Variants in TTC28 observed in about 807,000 individuals in gnomAD.
TTC28 encodes the protein tetratricopeptide repeat protein 28.
A neutral mutation model predicts 198.0 loss-of-function variants in TTC28; 61 were observed. The observed-to-expected ratio is 0.31, with a 90% CI of 0.25 to 0.38. TTC28 has a LOEUF of 0.38. TTC28 is among the 10% of genes least tolerant of loss of function. The pLI is 1.00. For missense variants in TTC28, 2,678 were observed against 3,164.0 expected (o/e 0.85, Z 3.69); for synonymous variants, 1,171 against 1,297.8 (o/e 0.90, Z 2.10).
intron 2 of TTC28, among the ~76,000 whole-genome samples, chr22:28,379,186 G>C (rs566891780): frequency 6.6e-6 from 1 of 152,160 alleles, no homozygotes; most frequent in African/African-American, 2.4e-5. Flanking sequence ...TATAATTTCA[G>C]ACATATAAAA....
chr22:28,340,358 C>T (rs558362962), intron 2 of TTC28, among the ~76,000 whole-genome samples: 2 of 151,852 alleles, frequency 1.3e-5, no homozygotes, highest in South Asian at 2.1e-4. Context: ...GCATACCAAA[C>T]GTCTCCTTCA....
At chr22:28,482,280 CGGCTCACTGCAAGCTCCGCCTCCCG>C (rs1423987969) in intron 2 of TTC28, among the ~76,000 whole-genome samples, 1 of 129,490 alleles carries the variant, frequency 7.7e-6, no homozygotes, top group Non-Finnish European at 1.5e-5. Context: ...GGCGCGATCT[CGGCTCACTGCAAGCTCCGCCTCCCG>C]GGTTCACGCC....
intron 2 of TTC28, among the ~76,000 whole-genome samples, chr22:28,335,597 G>A (rs1276921190): frequency 6.6e-6 from 1 of 152,056 alleles, no homozygotes; most frequent in Admixed American, 6.5e-5. Flanking sequence ...TCTCTTTGAA[G>A]CAATTGTGAA....
intron 3 of TTC28, chr22:28,303,889 C>T (rs2045079100): frequency 6.7e-6 from 1 of 149,988 alleles, no homozygotes; most frequent in African/African-American, 2.4e-5. Context: ...AAACAACTGA[C>T]ATAACAGATC....
intron 2 of TTC28, among the ~76,000 whole-genome samples, chr22:28,491,593 TAA>T (rs1357690544): frequency 6.6e-6 from 1 of 152,098 alleles, no homozygotes; most frequent in African/African-American, 2.4e-5. Flanking sequence ...TGGCGATCAT[TAA>T]AAAGTCAGGA....
chr22:28,429,181 G>C (rs144644994), intron 2 of TTC28, among the ~76,000 whole-genome samples: 5 of 152,274 alleles, frequency 3.3e-5, no homozygotes, highest in African/African-American at 1.2e-4. Flanking sequence ...GATCTTAGTA[G>C]AACAGGGCTA....
At chr22:28,101,110 T>A (rs911364239) in intron 9 of TTC28, 61 bp downstream of exon 9, 1 of 1,288,818 alleles carries the variant, frequency 7.8e-7, no homozygotes, top group Non-Finnish European at 1.1e-6. Flanking sequence ...AGGACAGTAA[T>A]CCTAAAGTCT....
chr22:28,116,599 T>C (rs911909412), intron 6 of TTC28, among the ~76,000 whole-genome samples: 4 of 152,122 alleles, frequency 2.6e-5, no homozygotes, highest in African/African-American at 9.7e-5. Flanking sequence ...TGGATCACAA[T>C]AAGAGGTGGG....
At chr22:27,996,542 C>A in intron 16 of TTC28, 1 of 378,848 alleles carries the variant, frequency 2.6e-6, no homozygotes, top group Non-Finnish European at 4.8e-6. Context: ...GGAAAACCTG[C>A]CTTGTTTTCT....
chr22:28,482,789 C>G (rs1449316427), intron 2 of TTC28, among the ~76,000 whole-genome samples: 1 of 152,146 alleles, frequency 6.6e-6, no homozygotes, highest in Non-Finnish European at 1.5e-5. Flanking sequence ...ATGGATTTAT[C>G]TATTCTGAAC....
Position 28,030,146 on chromosome 22 carries a change from G to A in TTC28, c.4073+80C>T, listed in dbSNP as rs1939013582. ...AGCCAGAAGCCTAACCAGCTGGAAG[G>A]AGCATCCACTGAAAGCATATTATCT... On this transcript the variant is annotated intron_variant, in intron 13 of 22. Transcript: ENST00000397906. 43 of 1,504,254 alleles carry A rather than the reference G, an allele frequency of 2.9e-5. No individual in the cohort carries two copies. In the South Asian group the frequency reaches 5.5e-4, roughly 19 times the overall value. 93.2% of individuals were successfully genotyped at this position (1,504,254 alleles called of 1,614,324 possible).
rs370192052 is a variant in TTC28 at position 28,108,255 on chromosome 22, G to A, written c.1590C>T (p.Tyr530=). ...MGNAYNALGM[Y]DQAVKYHRQE... ...GCCGATGGTATTTGACCGCCTGGTC[G>A]TACATGCCCAGGGCATTGTAGGCAT... The change falls in exon 7 of 23, where the codon TAC becomes TAT. Residue 530 remains tyrosine (Y), a synonymous_variant. Transcript: ENST00000397906. 45 of 1,550,510 alleles carry A rather than the reference G, an allele frequency of 2.9e-5. No individual in the cohort carries two copies. Among genetic ancestry groups the A allele is most frequent in the Middle Eastern group, 1.7e-4 (1 of 6,008 alleles).
chr22:28,221,592 C>T (rs1213446656), intron 5 of TTC28, among the ~76,000 whole-genome samples: 2 of 152,182 alleles, frequency 1.3e-5, no homozygotes, highest in Non-Finnish European at 2.9e-5. Context: ...CCCATCTAGT[C>T]TTGTCCCCCT....
At chr22:28,442,410 T>C (rs2146231215) in intron 2 of TTC28, among the ~76,000 whole-genome samples, 1 of 152,348 alleles carries the variant, frequency 6.6e-6, no homozygotes. Context: ...CTGGGGCTGC[T>C]CGCCCCCCAG....
intron 6 of TTC28, among the ~76,000 whole-genome samples, chr22:28,141,458 T>C (rs918280684): frequency 6.6e-6 from 1 of 152,152 alleles, no homozygotes; most frequent in Non-Finnish European, 1.5e-5. Flanking sequence ...CTAAAATGCA[T>C]GCATTTTTCA....
chr22:28,320,385 A>C (rs1286690071), intron 2 of TTC28, among the ~76,000 whole-genome samples: 1 of 151,608 alleles, frequency 6.6e-6, no homozygotes, highest in Non-Finnish European at 1.5e-5. Context: ...TTCATTGTTT[A>C]TGTTTTAAGT....
chr22:28,355,268 A>T (rs544887691), intron 2 of TTC28, among the ~76,000 whole-genome samples: 14 of 152,220 alleles, frequency 9.2e-5, no homozygotes, highest in African/African-American at 3.4e-4. Flanking sequence ...AAATAAATTG[A>T]AGATATTTTC....
chr22:28,537,342 A>ATAAAATAAAATATAAAAT (rs2049316127), intron 2 of TTC28, among the ~76,000 whole-genome samples: 1 of 146,406 alleles, frequency 6.8e-6, no homozygotes, highest in African/African-American at 2.5e-5. Context: ...ATAAAATAAA[A>ATAAAATAAAATATAAAAT]ACAAGAATAG....
chr22:28,679,577 G>C, intron 1 of TTC28, 45 bp downstream of exon 1: 1 of 1,329,858 alleles, frequency 7.5e-7, no homozygotes, highest in Non-Finnish European at 1.0e-6. Flanking sequence ...CACCGCCGGA[G>C]TTTCACAAAG....
Sources: allele counts gnomAD v4.1 joint callset (sites outside exome capture counted in the v4.1 genomes callset), GRCh38; gene constraint gnomAD v4.1.1; transcripts MANE v1.5; gene names NCBI Gene and HGNC (gene_info 2026-07-23, HGNC 2026-07-21).